The following ARPC1A variants were observed in gnomAD, a reference collection of about 807,000 sequenced individuals.
ARPC1A encodes the protein actin-related protein 2/3 complex subunit 1A.
Under a neutral mutation model 46.9 loss-of-function variants are expected in ARPC1A, and 8 were observed. The ratio of observed to expected loss-of-function variants is 0.17; its 90% confidence interval spans 0.10 to 0.31. The LOEUF is 0.31. Ranked by LOEUF, ARPC1A falls within the 10% of genes least tolerant of loss-of-function variation. The probability of loss-of-function intolerance (pLI) is 1.00; values close to 1 mark genes in which losing one functional copy is unlikely to be tolerated. For synonymous variants in ARPC1A, 152 were observed against 169.0 expected (o/e 0.90, Z 0.78); for missense variants, 286 against 483.6 (o/e 0.59, Z 3.83).
intron 6 of ARPC1A, 140 bp downstream of exon 6, chr7:99,354,261 G>A (rs768847020): frequency 2.3e-4 from 223 of 972,878 alleles, no homozygotes; most frequent in Non-Finnish European, 3.0e-4. Context: ...GGTGGCTCAC[G>A]CCTGTAATCC....
chr7:99,350,038 A>C (rs1793522612), intron 5 of ARPC1A, among the ~76,000 whole-genome samples: 1 of 152,148 alleles, frequency 6.6e-6, no homozygotes, highest in South Asian at 2.1e-4. Flanking sequence ...AAAACAAAAA[A>C]ATGGAAGCAG....
intron 3 of ARPC1A, among the ~76,000 whole-genome samples, chr7:99,343,853 C>G (rs1793395106): frequency 6.6e-6 from 1 of 152,092 alleles, no homozygotes; most frequent in African/African-American, 2.4e-5. Context: ...ACCCTGTATG[C>G]TGTTTTAGTT....
chr7:99,362,985 T>A (rs1476852643), intron 8 of ARPC1A, among the ~76,000 whole-genome samples: 11 of 152,076 alleles, frequency 7.2e-5, no homozygotes, highest in Admixed American at 6.6e-5. Context: ...AGGTTTTGTT[T>A]GGAGCTATGG....
At chr7:99,349,578 C>G (rs1268369592) in intron 5 of ARPC1A, among the ~76,000 whole-genome samples, 1 of 151,972 alleles carries the variant, frequency 6.6e-6, no homozygotes, top group East Asian at 2.0e-4. Flanking sequence ...GTAGCTCACG[C>G]CCGTAATCCC....
chr7:99,348,788 A>C (rs1292229994), intron 4 of ARPC1A, 64 bp from the exon 5 acceptor site: 1 of 1,331,152 alleles, frequency 7.5e-7, no homozygotes, highest in East Asian at 2.4e-5. Flanking sequence ...CCTGACATAC[A>C]TTTGTAGGTC....
chr7:99,344,871 T>C (rs1172313974), intron 4 of ARPC1A, among the ~76,000 whole-genome samples: 4 of 150,652 alleles, frequency 2.7e-5, no homozygotes, highest in African/African-American at 7.3e-5. Flanking sequence ...TTTCTTTTTT[T>C]TTTTTTTTCA....
intron 6 of ARPC1A, among the ~76,000 whole-genome samples, chr7:99,356,759 G>C (rs1335756553): frequency 6.6e-6 from 1 of 152,092 alleles, no homozygotes; most frequent in South Asian, 2.1e-4. Flanking sequence ...AATTAGCCAG[G>C]CGTGGTGGCG....
At chr7:99,353,530 T>C (rs185468140) in intron 5 of ARPC1A, among the ~76,000 whole-genome samples, 1 of 151,416 alleles carries the variant, frequency 6.6e-6, no homozygotes, top group Non-Finnish European at 1.5e-5. Context: ...CAGGCTGGAG[T>C]GCAGTGGCGT....
At chr7:99,337,951 C>G (rs1387496913) in intron 2 of ARPC1A, among the ~76,000 whole-genome samples, 1 of 151,782 alleles carries the variant, frequency 6.6e-6, no homozygotes, top group South Asian at 2.1e-4. Flanking sequence ...GTACGTGTCT[C>G]TGGGAAAATG....
At chr7:99,360,831 C>G (rs1041935490) in intron 8 of ARPC1A, among the ~76,000 whole-genome samples, 1 of 151,454 alleles carries the variant, frequency 6.6e-6, no homozygotes. Flanking sequence ...ATCCCAGCTA[C>G]TCGGCAGGCT....
intron 8 of ARPC1A, among the ~76,000 whole-genome samples, chr7:99,361,378 C>T (rs1793737394): frequency 6.6e-6 from 1 of 151,656 alleles, no homozygotes; most frequent in African/African-American, 2.4e-5. Context: ...TTGGCACGCA[C>T]CTGTAGTCCC....
At chr7:99,332,046 A>C (rs1793151583) in intron 1 of ARPC1A, among the ~76,000 whole-genome samples, 1 of 152,194 alleles carries the variant, frequency 6.6e-6, no homozygotes, top group African/African-American at 2.4e-5. Flanking sequence ...CTTCTATAGA[A>C]TGGCACACAC....
At chr7:99,359,515 C>G (rs747734078) in intron 7 of ARPC1A, 30 bp from the exon 8 acceptor site, 10 of 1,612,138 alleles carry the variant, frequency 6.2e-6, no homozygotes, top group Non-Finnish European at 8.5e-6. Flanking sequence ...GGCAGTGCAT[C>G]CTCCAGGGAC....
At chr7:99,334,022 CACACACACATAT>C (rs984428993) in intron 2 of ARPC1A, among the ~76,000 whole-genome samples, 8 of 141,260 alleles carry the variant, frequency 5.7e-5, no homozygotes, top group African/African-American at 2.0e-4. Context: ...CACACACACA[CACACACACATAT>C]ATATGTATTT....
chr7:99,363,163 T>G (rs1793772232), intron 8 of ARPC1A, among the ~76,000 whole-genome samples: 1 of 152,226 alleles, frequency 6.6e-6, no homozygotes, highest in Admixed American at 6.5e-5. Flanking sequence ...AGTTCTTAAC[T>G]TCTCCCCTTG....
At chr7:99,360,181 G>A in intron 8 of ARPC1A, 1 of 192,144 alleles carries the variant, frequency 5.2e-6, no homozygotes, top group Non-Finnish European at 1.1e-5. Flanking sequence ...TTCAAGTAAT[G>A]GATACAAATA....
At chr7:99,332,757 A>ATTTTT (rs531956557) in intron 1 of ARPC1A, among the ~76,000 whole-genome samples, 5,533 of 151,656 alleles carry the variant, frequency 0.036, 110 homozygotes, top group Admixed American at 0.048. Flanking sequence ...GCCCGCTACC[A>ATTTTT]TGCCCGGCTA....
At chr7:99,351,750 C>T (rs368855898) in intron 5 of ARPC1A, among the ~76,000 whole-genome samples, 5 of 152,150 alleles carry the variant, frequency 3.3e-5, no homozygotes, top group Admixed American at 1.3e-4. Flanking sequence ...GGGGATACCT[C>T]GGTTCTTTTA....
intron 3 of ARPC1A, 64 bp downstream of exon 3, chr7:99,338,349 A>G: frequency 7.9e-7 from 1 of 1,263,640 alleles, no homozygotes; most frequent in Admixed American, 2.4e-5. Flanking sequence ...CCTTTTAGAT[A>G]AAGAGCCTAA....
Sources: allele counts gnomAD v4.1 joint callset (sites outside exome capture counted in the v4.1 genomes callset), GRCh38; gene constraint gnomAD v4.1.1; transcripts MANE v1.5; gene names NCBI Gene and HGNC (gene_info 2026-07-23, HGNC 2026-07-21).